Variants in MLLT10 observed in about 807,000 individuals in gnomAD.
The protein encoded by MLLT10 is protein AF-10.
Under a neutral mutation model 129.1 loss-of-function variants are expected in MLLT10, and 30 were observed. The ratio of observed to expected loss-of-function variants is 0.23; its 90% CI spans 0.17 to 0.32. The LOEUF is 0.32. MLLT10 is among the 10% of genes least tolerant of loss of function. MLLT10 has a pLI of 1.00. For missense variants in MLLT10, 1,119 were observed against 1,268.3 expected (o/e 0.88, Z 1.79); for synonymous variants, 490 against 446.4 (o/e 1.10, Z -1.23).
At chr10:21,671,794 GCAAA>G (rs900032096) in intron 10 of MLLT10, among the ~76,000 whole-genome samples, 7 of 151,650 alleles carry the variant, frequency 4.6e-5, no homozygotes, top group African/African-American at 1.7e-4. Context: ...CCTTGGACAG[GCAAA>G]CAAAATTAGC....
chr10:21,642,821 T>C (rs1170278011), intron 8 of MLLT10, among the ~76,000 whole-genome samples: 1 of 152,184 alleles, frequency 6.6e-6, no homozygotes, highest in Non-Finnish European at 1.5e-5. Flanking sequence ...TACACTTTTA[T>C]GAGGACATGA....
chr10:21,672,073 A>G (rs2051478090), intron 10 of MLLT10, among the ~76,000 whole-genome samples: 1 of 152,160 alleles, frequency 6.6e-6, no homozygotes, highest in South Asian at 2.1e-4. Context: ...GGGGATTTAC[A>G]TAGGTCTCAG....
At chr10:21,556,207 CCCT>C (rs1250622085) in intron 3 of MLLT10, among the ~76,000 whole-genome samples, 1 of 152,164 alleles carries the variant, frequency 6.6e-6, no homozygotes, top group Admixed American at 6.6e-5. Context: ...GGGTGGTCCG[CCCT>C]CCTCGGCCTC....
In MLLT10 at chr10:21,636,063, C is replaced by G. The variant is rs557091695; in HGVS notation, c.700-15610C>G. Among the ~76,000 whole-genome samples the G allele has an allele frequency of 1.6e-4, 25 of 151,694 alleles. No homozygotes were observed. In the South Asian group the frequency reaches 5.2e-3, roughly 32 times the overall value. ...ACCTAGCCTTGCCTTTCTGGTGAAG[C>G]TAGACTTCCTTTGACTTATAAGACT... On this transcript the variant is annotated intron_variant, in intron 8 of 22. Transcript: ENST00000307729.
At chr10:21,579,093 C>T (rs1269409152) in intron 3 of MLLT10, among the ~76,000 whole-genome samples, 2 of 152,124 alleles carry the variant, frequency 1.3e-5, no homozygotes, top group Non-Finnish European at 2.9e-5. Flanking sequence ...GTACCTATTT[C>T]ATCTTTATTT....
intron 13 of MLLT10, among the ~76,000 whole-genome samples, chr10:21,711,603 A>T (rs1388130482): frequency 7.3e-6 from 1 of 136,912 alleles, no homozygotes; most frequent in Non-Finnish European, 1.6e-5. Context: ...AAAAAAAGCC[A>T]GGTGTGGTGG....
chr10:21,737,021 C>T (rs935960162), intron 21 of MLLT10, among the ~76,000 whole-genome samples: 33 of 152,078 alleles, frequency 2.2e-4, no homozygotes, highest in African/African-American at 7.2e-4. Context: ...GAAATGTTTC[C>T]AGAAAGGGAG....
chr10:21,738,513 T>C, intron 21 of MLLT10: 2 of 1,288,180 alleles, frequency 1.6e-6, no homozygotes, highest in Non-Finnish European at 2.0e-6. Flanking sequence ...CATCTGCCAA[T>C]GTCGTGGGCT....
At chr10:21,713,205 C>T (rs559091993) in intron 13 of MLLT10, among the ~76,000 whole-genome samples, 2 of 152,308 alleles carry the variant, frequency 1.3e-5, no homozygotes, top group Admixed American at 6.5e-5. Flanking sequence ...TGTGTTATCG[C>T]TGGAATGTCT....
chr10:21,649,747 G>A (rs1031172212), intron 8 of MLLT10, among the ~76,000 whole-genome samples: 3 of 152,126 alleles, frequency 2.0e-5, no homozygotes, highest in Non-Finnish European at 4.4e-5. Context: ...TGGCAGAGGT[G>A]GAAGCCATGA....
intron 13 of MLLT10, among the ~76,000 whole-genome samples, chr10:21,710,437 A>G (rs2055966372): frequency 6.6e-6 from 1 of 152,230 alleles, no homozygotes. Context: ...GATATTAGGC[A>G]TCTAGAGTTC....
chr10:21,574,716 G>T (rs1042302806), intron 3 of MLLT10, among the ~76,000 whole-genome samples: 23 of 152,148 alleles, frequency 1.5e-4, no homozygotes, highest in African/African-American at 5.6e-4. Flanking sequence ...GTAACTTCCT[G>T]GCATTGCTAT....
Position 21,534,410 on chromosome 10 carries a change from T to TGAGGAGGAGGAG in MLLT10, c.-106_-95dup, listed in dbSNP as rs527697532. 2.3e-6 allele frequency: 1 copy of TGAGGAGGAGGAG among 440,358 alleles called. No homozygotes were observed. Among genetic ancestry groups the TGAGGAGGAGGAG allele is most frequent in the African/African-American group, 2.1e-5 (1 of 47,896 alleles). 27.3% of individuals were successfully genotyped at this position (440,358 alleles called of 1,614,324 possible). ...GGGTGGAGGTGGGGAGGGAAGACGCTGAGGAGGAGGAGGAGGCGGAGGAGG... is the reference window on the plus strand; with the variant it reads ...GGGTGGAGGTGGGGAGGGAAGACGCTGAGGAGGAGGAGGAGGAGGAGGAGGAGGCGGAGGAGG... On this transcript the variant is annotated 5_prime_UTR_variant, in exon 1 of 23. Coordinates refer to ENST00000307729, the MANE Select transcript of MLLT10 (RefSeq NM_001195626.3).
intron 3 of MLLT10, among the ~76,000 whole-genome samples, chr10:21,567,848 C>T (rs1223099242): frequency 6.8e-6 from 1 of 146,958 alleles, no homozygotes; most frequent in African/African-American, 2.5e-5. Context: ...GAGACAGAGT[C>T]TCTCTCTGTC....
intron 3 of MLLT10, among the ~76,000 whole-genome samples, chr10:21,575,685 AT>A (rs2040659353): frequency 6.6e-6 from 1 of 151,996 alleles, no homozygotes; most frequent in African/African-American, 2.4e-5. Flanking sequence ...TATTATTATT[AT>A]TTTTATTTGG....
chr10:21,584,982 A>G (rs372774469), intron 3 of MLLT10, among the ~76,000 whole-genome samples: 2 of 151,962 alleles, frequency 1.3e-5, no homozygotes, highest in South Asian at 2.1e-4. Context: ...CAGTGGCGCA[A>G]TCGTGGCTCA....
intron 20 of MLLT10, among the ~76,000 whole-genome samples, chr10:21,734,538 A>G (rs995244733): frequency 1.4e-4 from 21 of 152,224 alleles, no homozygotes; most frequent in Non-Finnish European, 2.9e-5. Flanking sequence ...ATTTATCTGA[A>G]TTCCCAGGAA....
intron 13 of MLLT10, among the ~76,000 whole-genome samples, chr10:21,711,376 T>G (rs529554058): frequency 6.6e-6 from 1 of 151,520 alleles, no homozygotes; most frequent in Admixed American, 6.6e-5. Context: ...GAGCCGAGAT[T>G]GCACCACTGC....
intron 3 of MLLT10, among the ~76,000 whole-genome samples, chr10:21,542,300 G>A (rs1423510450): frequency 6.6e-6 from 1 of 152,172 alleles, no homozygotes; most frequent in Non-Finnish European, 1.5e-5. Flanking sequence ...TGGGCATGGT[G>A]GCTCAAGCCT....
Sources: allele counts gnomAD v4.1 joint callset (sites outside exome capture counted in the v4.1 genomes callset), GRCh38; gene constraint gnomAD v4.1.1; transcripts MANE v1.5; gene names NCBI Gene and HGNC (gene_info 2026-07-23, HGNC 2026-07-21).